ADAMTS2: variants seen among roughly 807,000 people sequenced by gnomAD.
The protein encoded by ADAMTS2 is ADAM metallopeptidase with thrombospondin type 1 motif 2.
A neutral mutation model predicts 123.0 loss-of-function variants in ADAMTS2; 50 were observed. The observed-to-expected ratio is 0.41, with a 90% CI of 0.32 to 0.51. The LOEUF (loss-of-function observed/expected upper bound fraction) is 0.51. Ranked by LOEUF, ADAMTS2 falls within the 20% of genes least tolerant of loss-of-function variation. The probability of loss-of-function intolerance (pLI) is 0.35; values close to 1 mark genes in which losing one functional copy is unlikely to be tolerated. For synonymous variants in ADAMTS2, 678 were observed against 695.4 expected (o/e 0.98, Z 0.39); for missense variants, 1,494 against 1,705.2 (o/e 0.88, Z 2.18).
intron 2 of ADAMTS2, among the ~76,000 whole-genome samples, chr5:179,300,412 T>A (rs758123126): frequency 9.9e-5 from 15 of 152,246 alleles, no homozygotes; most frequent in Non-Finnish European, 1.8e-4. Flanking sequence ...TTTTTAATTG[T>A]GAATAATGTA....
In ADAMTS2 at chr5:179,200,464, G is replaced by A. The variant is rs187771365; in HGVS notation, c.891+7049C>T. On this transcript the variant is annotated intron_variant, in intron 4 of 21. Transcript: ENST00000251582. ...AGGTTTTGTCATGTTGGCCAGGCTC[G>A]TCTCGAACTCTTGACCTCAAGTGAT... is the stretch of plus-strand genomic sequence containing the variant. Among the ~76,000 whole-genome samples, 545 of 152,080 alleles carry A rather than the reference G, an allele frequency of 3.6e-3. 3 individuals carry two copies. Among genetic ancestry groups the A allele is most frequent in the African/African-American group, 0.012 (506 of 41,486 alleles).
At position 179,224,327 on chromosome 5, in the gene ADAMTS2, G is replaced by A. The variant is rs535534402; in HGVS notation, c.689-16612C>T. On this transcript the variant is annotated intron_variant, in intron 3 of 21. Transcript: ENST00000251582. ...CCATCCTGACAACACGCTGCCGGCC[G>A]CAGGCCTCACACCACAGCAATTCTC... is the stretch of plus-strand genomic sequence containing the variant. Among the ~76,000 whole-genome samples the A allele has an allele frequency of 5.9e-5, 9 of 152,290 alleles. No individual in the cohort carries two copies. The South Asian group carries it at 8.3e-4, about 14-fold the overall frequency.
At chr5:179,255,675 T>C (rs565163293) in intron 3 of ADAMTS2, among the ~76,000 whole-genome samples, 28 of 152,112 alleles carry the variant, frequency 1.8e-4, no homozygotes, top group Non-Finnish European at 4.0e-4. Context: ...TAGAGCCGTC[T>C]CCCAAGATTA....
At chr5:179,153,419 G>A (rs966600961) in intron 9 of ADAMTS2, 72 bp downstream of exon 9, 50 of 1,593,496 alleles carry the variant, frequency 3.1e-5, no homozygotes, top group East Asian at 6.7e-5. Flanking sequence ...ACACTGTCCC[G>A]GGAGCTGCCC....
In ADAMTS2 at chr5:179,115,705, A is replaced by G. The variant is rs3776809; in HGVS notation, c.3179-1381T>C. On this transcript the variant is annotated intron_variant, in intron 21 of 21. Coordinates refer to ENST00000251582, the MANE Select transcript of ADAMTS2 (RefSeq NM_014244.5). This position sits in a 1 kb window ranked among gnomAD's most constrained non-coding sequence, Gnocchi z 4.4. ...AAGAAAGGGAGGAGGAAAGGGAGGG[A>G]GAAAGGGAGGGAGAAAGGCTCAGGC... Among the ~76,000 whole-genome samples, 36,824 of 150,282 alleles carry G rather than the reference A, an allele frequency of 0.25. 5,305 individuals are homozygous for G. Among genetic ancestry groups the G allele is most frequent in the South Asian group, 0.37 (1,746 of 4,724 alleles).
intron 3 of ADAMTS2, among the ~76,000 whole-genome samples, chr5:179,252,200 G>A (rs771699443): frequency 1.3e-5 from 2 of 151,772 alleles, no homozygotes; most frequent in Non-Finnish European, 1.5e-5. Flanking sequence ...GGTAGAGATG[G>A]GGTTTCACCA....
At position 179,220,916 on chromosome 5, in the gene ADAMTS2, C is replaced by T. The variant is rs549538660; in HGVS notation, c.689-13201G>A. Among the ~76,000 whole-genome samples, 8 of 152,234 alleles carry T rather than the reference C, an allele frequency of 5.3e-5. No individual in the cohort carries two copies. The South Asian group carries it at 1.0e-3, about 20-fold the overall frequency. On this transcript the variant is annotated intron_variant, in intron 3 of 21. Transcript: ENST00000251582. ...CAAGCGGGAGGTCTCAGATGCTGCCCGACCCTGTGCAAATGAGGCCCTCTC... is the reference window on the plus strand; with the variant it reads ...CAAGCGGGAGGTCTCAGATGCTGCCTGACCCTGTGCAAATGAGGCCCTCTC...
chr5:179,174,535 C>T (rs888764), intron 5 of ADAMTS2, among the ~76,000 whole-genome samples: 104,529 of 152,102 alleles, frequency 0.69, 37,052 homozygotes, highest in African/African-American at 0.86. Flanking sequence ...ATATTTGTCA[C>T]ATGATAATTT....
At chr5:179,325,981 C>T (rs1002082452) in intron 2 of ADAMTS2, among the ~76,000 whole-genome samples, 2 of 152,228 alleles carry the variant, frequency 1.3e-5, no homozygotes, top group Non-Finnish European at 2.9e-5. Flanking sequence ...CGGCCAAGTC[C>T]TCCCAGCTGA....
intron 3 of ADAMTS2, among the ~76,000 whole-genome samples, chr5:179,255,075 G>A (rs997454831): frequency 1.3e-5 from 2 of 152,128 alleles, no homozygotes; most frequent in Non-Finnish European, 2.9e-5. Flanking sequence ...TAGGGGATGG[G>A]TAGATGGATG....
chr5:179,227,429 G>T (rs944118502), intron 3 of ADAMTS2, among the ~76,000 whole-genome samples: 1 of 152,176 alleles, frequency 6.6e-6, no homozygotes, highest in Non-Finnish European at 1.5e-5. Flanking sequence ...CACCCTGACA[G>T]TCAAGGCCCA....
chr5:179,120,059 A>C (rs1215934555), intron 21 of ADAMTS2: 1 of 152,090 alleles, frequency 6.6e-6, no homozygotes, highest in Admixed American at 6.5e-5. Flanking sequence ...GGGGCAGTAA[A>C]GTCATTCAAA....
chr5:179,257,452 C>T (rs1466895922), intron 3 of ADAMTS2, among the ~76,000 whole-genome samples: 1 of 152,176 alleles, frequency 6.6e-6, no homozygotes, highest in Non-Finnish European at 1.5e-5. Context: ...GGGGGTCTGT[C>T]CGCCCAGCCC....
At chr5:179,319,897 G>A (rs755260674) in intron 2 of ADAMTS2, among the ~76,000 whole-genome samples, 3 of 152,118 alleles carry the variant, frequency 2.0e-5, no homozygotes, top group African/African-American at 7.2e-5. Flanking sequence ...CCACATCTCC[G>A]GCCTGGCCCA....
chr5:179,113,972 G>A lies in ADAMTS2; in HGVS notation c.3531C>T (p.Pro1177=). ...GGCTCGGTCGTCGAGGGATTAGGTT[G>A]GGTGGCTGGACTTCATCTTCCAGGC... The part of the protein sequence containing the change: ...IHGLEDEVQP[P]NLIPRRPSPY... Residue 1177 remains proline (P), a synonymous_variant, in exon 22 of 22, where the codon CCC becomes CCT. Coordinates refer to ENST00000251582, the MANE Select transcript of ADAMTS2 (RefSeq NM_014244.5). 6.2e-7 allele frequency: 1 copy of A among 1,614,118 alleles called. No individual in the cohort carries two copies. Among genetic ancestry groups the A allele is most frequent in the Non-Finnish European group, 8.5e-7 (1 of 1,180,022 alleles).
rs1290387773 is a variant in ADAMTS2 at position 179,242,099 on chromosome 5, A to G, written c.688+30812T>C. Among the ~76,000 whole-genome samples, 1 of 152,174 alleles carries G rather than the reference A, an allele frequency of 6.6e-6. No individual in the cohort carries two copies. The highest frequency in any genetic ancestry group is 1.5e-5 in the Non-Finnish European group (1 of 68,018). ...CATGGGTCTTCCATGAGATCTGAACATTGGGAGAAAAAAATATTCCCTTCC... is the reference window on the plus strand; with the variant it reads ...CATGGGTCTTCCATGAGATCTGAACGTTGGGAGAAAAAAATATTCCCTTCC... On this transcript the variant is annotated intron_variant, in intron 3 of 21. Coordinates refer to ENST00000251582, the MANE Select transcript of ADAMTS2 (RefSeq NM_014244.5). The surrounding 1 kb of genome is among the most constrained non-coding windows in gnomAD (Gnocchi z 4.2).
chr5:179,162,400 G>A lies in ADAMTS2; in HGVS notation c.976-3521C>T, dbSNP rs566057869. On this transcript the variant is annotated intron_variant, in intron 5 of 21. Coordinates refer to ENST00000251582, the MANE Select transcript of ADAMTS2 (RefSeq NM_014244.5). The surrounding 1 kb of genome is among the most constrained non-coding windows in gnomAD (Gnocchi z 5.1). ...CGGCTGGAGCCCCCCTGCACTACAG[G>A]AGACCCCCCACCAAGGATTAAAGGA... Among the ~76,000 whole-genome samples, 4 of 152,140 alleles carry A rather than the reference G, an allele frequency of 2.6e-5. No individual in the cohort carries two copies. Among genetic ancestry groups the A allele is most frequent in the Non-Finnish European group, 5.9e-5 (4 of 68,024 alleles).
rs572648066 is a variant in ADAMTS2 at position 179,207,713 on chromosome 5, C to G, written c.691G>C (p.Ala231Pro). Reference protein sequence around the residue: ...LGGPQALDTGASLDSLDSLSR... With the variant: ...LGGPQALDTGPSLDSLDSLSR... Reference sequence around the variant, plus strand: ...AGGCTGTCCAGGCTGTCCAGGGAGGCCCCTGCAAGGAGAGGACACCGTCTT... The same window carrying G: ...AGGCTGTCCAGGCTGTCCAGGGAGGGCCCTGCAAGGAGAGGACACCGTCTT... The change falls in exon 4 of 22, where the codon GCC (alanine) becomes CCC (proline). Residue 231 changes from alanine (A) to proline (P), a missense_variant and splice_region_variant. Ala to Pro is a conservative substitution (Grantham distance 27, BLOSUM62 -1). Around this residue, in one of 6 missense-constraint regions of ADAMTS2, gnomAD observed 184 missense variants for 152.1 expected, o/e 1.21. Transcript: ENST00000251582. The G allele has an allele frequency of 3.1e-6, 5 of 1,610,302 alleles. No homozygotes were observed. The highest frequency in any genetic ancestry group is 2.7e-5 in the African/African-American group (2 of 74,904).
In ADAMTS2 at chr5:179,256,272, C is replaced by T. The variant is rs1297737921; in HGVS notation, c.688+16639G>A. On this transcript the variant is annotated intron_variant, in intron 3 of 21. Coordinates refer to ENST00000251582, the MANE Select transcript of ADAMTS2 (RefSeq NM_014244.5). The surrounding 1 kb of genome is among the most constrained non-coding windows in gnomAD (Gnocchi z 4.1). ...ATCTTGTGACCCGCCCCTGGGGACACGGGTGCCCAACAGGAAAGAGGACGG... is the reference window on the plus strand; with the variant it reads ...ATCTTGTGACCCGCCCCTGGGGACATGGGTGCCCAACAGGAAAGAGGACGG... Among the ~76,000 whole-genome samples, 1 of 152,142 alleles carries T rather than the reference C, an allele frequency of 6.6e-6. No homozygotes were observed. Among genetic ancestry groups the T allele is most frequent in the Non-Finnish European group, 1.5e-5 (1 of 68,032 alleles).
Sources: gnomAD v4.1 joint callset for allele counts (sites outside exome capture counted in the v4.1 genomes callset) on GRCh38, gnomAD v4.1.1 for gene constraint, gnomAD v4.1.1 regional missense constraint, Gnocchi (gnomAD v3.1) non-coding constraint, MANE v1.5 for transcripts, NCBI Gene and HGNC (gene_info 2026-07-23, HGNC 2026-07-21) for gene names.